The following TDRP variants were observed in gnomAD, a reference collection of about 807,000 sequenced individuals.
The protein encoded by TDRP is testis development-related protein.
Under a neutral mutation model 10.5 loss-of-function variants are expected in TDRP, and 12 were observed. That is an observed-to-expected ratio of 1.15 (90% CI 0.73 to 1.86). The LOEUF is 1.86. TDRP is among the 40% of genes most tolerant of loss of function. The probability of loss-of-function intolerance (pLI) is 0.00; values close to 1 mark genes in which losing one functional copy is unlikely to be tolerated. For synonymous variants in TDRP, 139 were observed against 95.4 expected (o/e 1.46, Z -2.67); for missense variants, 353 against 229.2 (o/e 1.54, Z -3.49).
chr8:510,786 T>C (rs1329027698), intron 1 of TDRP, among the ~76,000 whole-genome samples: 2 of 152,280 alleles, frequency 1.3e-5, no homozygotes, highest in South Asian at 2.1e-4. Flanking sequence ...CATATCCACA[T>C]GAGAAAACAA....
intron 1 of TDRP, among the ~76,000 whole-genome samples, chr8:518,402 C>T (rs1359210311): frequency 2.0e-5 from 3 of 152,038 alleles, no homozygotes; most frequent in Non-Finnish European, 4.4e-5. Context: ...CCTGTGCTAC[C>T]AGTTATTAAA....
chr8:543,927 A>AGGGGGGGG (rs1196311229), intron 1 of TDRP, among the ~76,000 whole-genome samples: 1 of 11,364 alleles, frequency 8.8e-5, no homozygotes, highest in Non-Finnish European at 1.7e-4. Context: ...GGAAAAAGGG[A>AGGGGGGGG]GGGGGGGGGA....
chr8:517,958 G>C (rs1281951314), intron 1 of TDRP, among the ~76,000 whole-genome samples: 4 of 152,168 alleles, frequency 2.6e-5, no homozygotes, highest in African/African-American at 9.6e-5. Context: ...GTTCAGGGGA[G>C]GGAGGGATGA....
intron 1 of TDRP, among the ~76,000 whole-genome samples, chr8:542,916 G>A (rs1802536857): frequency 6.6e-6 from 1 of 151,256 alleles, no homozygotes; most frequent in African/African-American, 2.4e-5. Context: ...CAGAAAAGGA[G>A]CTTTAACGAA....
chr8:515,452 T>G (rs1157466162), intron 1 of TDRP, among the ~76,000 whole-genome samples: 1 of 152,218 alleles, frequency 6.6e-6, no homozygotes, highest in Non-Finnish European at 1.5e-5. Flanking sequence ...TTTGAAATAT[T>G]TGCATTATAC....
chr8:501,895 T>C (rs906652010), intron 1 of TDRP, among the ~76,000 whole-genome samples: 1 of 152,140 alleles, frequency 6.6e-6, no homozygotes, highest in Non-Finnish European at 1.5e-5. Flanking sequence ...GAAGGAGCTG[T>C]GCATGACCCT....
At chr8:543,270 G>T (rs529658833) in intron 1 of TDRP, among the ~76,000 whole-genome samples, 1 of 152,088 alleles carries the variant, frequency 6.6e-6, no homozygotes, top group Admixed American at 6.5e-5. Flanking sequence ...CCGAGATTGC[G>T]CCACTGCACT....
chr8:508,312 T>C (rs1164014263), intron 1 of TDRP, among the ~76,000 whole-genome samples: 1 of 152,198 alleles, frequency 6.6e-6, no homozygotes, highest in Admixed American at 6.5e-5. Flanking sequence ...CTGCTACAGA[T>C]AATATGTGTA....
At chr8:496,675 T>G (rs1801145052) in intron 1 of TDRP, among the ~76,000 whole-genome samples, 1 of 152,200 alleles carries the variant, frequency 6.6e-6, no homozygotes, top group African/African-American at 2.4e-5. Context: ...AGATGCTATT[T>G]GCTCCACACA....
At chr8:524,710 G>C (rs982166067) in intron 1 of TDRP, among the ~76,000 whole-genome samples, 2 of 152,162 alleles carry the variant, frequency 1.3e-5, no homozygotes, top group African/African-American at 2.4e-5. Context: ...TGATGAGGCA[G>C]AAGAAAGAAT....
chr8:534,446 T>C (rs965534324), intron 1 of TDRP, among the ~76,000 whole-genome samples: 1 of 152,194 alleles, frequency 6.6e-6, no homozygotes, highest in Non-Finnish European at 1.5e-5. Flanking sequence ...GTTGATTCAT[T>C]CACACCGAAC....
chr8:512,947 G>T (rs1223675566), intron 1 of TDRP, among the ~76,000 whole-genome samples: 1 of 145,028 alleles, frequency 6.9e-6, no homozygotes, highest in Non-Finnish European at 1.5e-5. Context: ...ACTCCAGCCT[G>T]GGTGACAGAG....
chr8:528,970 A>G (rs923502396), intron 1 of TDRP, among the ~76,000 whole-genome samples: 1 of 152,154 alleles, frequency 6.6e-6, no homozygotes, highest in Non-Finnish European at 1.5e-5. Flanking sequence ...AAAACTGAAG[A>G]ACTTGGGAGT....
intron 2 of TDRP, among the ~76,000 whole-genome samples, 188 bp downstream of exon 2, chr8:494,306 C>T (rs1801069418): frequency 6.6e-6 from 1 of 152,130 alleles, no homozygotes; most frequent in African/African-American, 2.4e-5. Flanking sequence ...CCGAAGCACA[C>T]ATCATGAAGT....
chr8:513,441 C>CA (rs1283178869), intron 1 of TDRP, among the ~76,000 whole-genome samples: 1 of 152,006 alleles, frequency 6.6e-6, no homozygotes, highest in African/African-American at 2.4e-5. Flanking sequence ...AAACATTTGG[C>CA]AAAATCCAAT....
At chr8:517,463 CA>C (rs1801788173) in intron 1 of TDRP, among the ~76,000 whole-genome samples, 1 of 152,152 alleles carries the variant, frequency 6.6e-6, no homozygotes, top group African/African-American at 2.4e-5. Flanking sequence ...CTGGAAGCTT[CA>C]AGAACCTGGG....
At chr8:527,854 C>G (rs988150741) in intron 1 of TDRP, among the ~76,000 whole-genome samples, 2 of 152,038 alleles carry the variant, frequency 1.3e-5, no homozygotes, top group Non-Finnish European at 2.9e-5. Context: ...TTGGACTAAG[C>G]AAAGATTTCT....
chr8:543,532 A>C (rs1376532417), intron 1 of TDRP, among the ~76,000 whole-genome samples: 1 of 151,912 alleles, frequency 6.6e-6, no homozygotes, highest in African/African-American at 2.4e-5. Flanking sequence ...AGCTGTTTAG[A>C]GTAACTATAA....
chr8:518,015 C>G (rs1302936041), intron 1 of TDRP, among the ~76,000 whole-genome samples: 1 of 152,174 alleles, frequency 6.6e-6, no homozygotes, highest in Non-Finnish European at 1.5e-5. Context: ...AGTGGAACCA[C>G]CAGGCCTGAT....
Sources: gnomAD v4.1 joint callset for allele counts (sites outside exome capture counted in the v4.1 genomes callset) on GRCh38, gnomAD v4.1.1 for gene constraint, MANE v1.5 for transcripts, NCBI Gene and HGNC (gene_info 2026-07-23, HGNC 2026-07-21) for gene names.